The following DNAJC6 variants were observed in gnomAD, a reference collection of about 807,000 sequenced individuals.
DNAJC6 encodes the protein DnaJ heat shock protein family (Hsp40) member C6.
A neutral mutation model predicts 110.0 loss-of-function variants in DNAJC6; 34 were observed. The observed-to-expected ratio is 0.31, with a 90% CI of 0.24 to 0.41. The LOEUF (loss-of-function observed/expected upper bound fraction) is 0.41, where lower values mean the gene tolerates loss of function less well. Among genes scored for constraint, DNAJC6 ranks in the 10% least tolerant of loss-of-function variants. The pLI is 1.00. For synonymous variants in DNAJC6, 406 were observed against 437.2 expected (o/e 0.93, Z 0.89); for missense variants, 1,031 against 1,207.8 (o/e 0.85, Z 2.17).
rs777885623 is a variant in DNAJC6, at chr1:65,392,566, T to G, written c.1604T>G (p.Val535Gly). The G allele has an allele frequency of 6.2e-7, 1 of 1,613,808 alleles. No homozygotes were observed. Among genetic ancestry groups the G allele is most frequent in the African/African-American group, 1.3e-5 (1 of 74,938 alleles). ...GNANGDKPHGVKKPSKKQQEP... is the reference protein window; with the variant it reads ...GNANGDKPHGGKKPSKKQQEP... Reference sequence around the variant, plus strand: ...GCCAATGGTGACAAGCCTCATGGAGTCAAGAAGCCCAGCAAAAAGCAGCAG... The same window carrying G: ...GCCAATGGTGACAAGCCTCATGGAGGCAAGAAGCCCAGCAAAAAGCAGCAG... Residue 535 changes from valine to glycine, a missense_variant, in exon 12 of 19, where the codon GTC becomes GGC. Val to Gly is a moderately radical substitution (Grantham distance 109). Transcript: ENST00000371069.
upstream of DNAJC6, among the ~76,000 whole-genome samples, chr1:65,307,524 GTATT>G (rs1042350449): frequency 1.3e-5 from 2 of 152,040 alleles, no homozygotes; most frequent in African/African-American, 4.8e-5. Context: ...AAATGATCCT[GTATT>G]TATTTATTTA....
chr1:65,323,653 T>TGACATGATCC (rs1553138895), intron 1 of DNAJC6, among the ~76,000 whole-genome samples: 1 of 151,536 alleles, frequency 6.6e-6, no homozygotes, highest in Non-Finnish European at 1.5e-5. Flanking sequence ...TGGAGTGCAG[T>TGACATGATCC]GACATGATCA....
rs1202130358 is a variant in DNAJC6 at position 65,413,231 on chromosome 1, G to T, written c.*206G>T. On this transcript the variant is annotated 3_prime_UTR_variant, in exon 19 of 19. Coordinates refer to ENST00000371069, the MANE Select transcript of DNAJC6 (RefSeq NM_001256864.2). The stretch of plus-strand genomic sequence containing the variant: ...TCCCACCATAAAAGATCCAAAGCAT[G>T]AGAGGAACTTCTAGTCAGATGACCT... 6 of 509,032 alleles carry T rather than the reference G, an allele frequency of 1.2e-5. No individual in the cohort carries two copies. Among genetic ancestry groups the T allele is most frequent in the Non-Finnish European group, 2.1e-5 (6 of 286,350 alleles). 31.5% of individuals were successfully genotyped at this position (509,032 alleles called of 1,614,324 possible). A position where few individuals can be genotyped will look rare whatever the true frequency, so the allele number is the denominator to read the frequency against.
At chr1:65,297,916 G>T (rs1002980043) in intron 1 of DNAJC6, among the ~76,000 whole-genome samples, 2 of 151,944 alleles carry the variant, frequency 1.3e-5, no homozygotes, top group Non-Finnish European at 2.9e-5. Flanking sequence ...AACCAGTTCT[G>T]CAGTGCCTCC....
chr1:65,304,198 A>G (rs1645015965), intron 1 of DNAJC6, among the ~76,000 whole-genome samples: 1 of 143,564 alleles, frequency 7.0e-6, no homozygotes, highest in Non-Finnish European at 1.6e-5. Flanking sequence ...TATCTTAAAG[A>G]AAAAAAAAAA....
chr1:65,359,015 C>G (rs559065501), intron 1 of DNAJC6, among the ~76,000 whole-genome samples: 32 of 152,194 alleles, frequency 2.1e-4, no homozygotes, highest in Non-Finnish European at 3.8e-4. Context: ...TACCACTTCT[C>G]ACAGTGTTTT....
At chr1:65,279,210 G>A in intron 1 of DNAJC6, 1 of 969,988 alleles carries the variant, frequency 1.0e-6, no homozygotes, top group African/African-American at 1.8e-5. Context: ...TTGGGGGAGG[G>A]GCGGTGATGG....
chr1:65,403,158 T>C (rs185832229), intron 15 of DNAJC6, among the ~76,000 whole-genome samples: 1 of 152,366 alleles, frequency 6.6e-6, no homozygotes, highest in Non-Finnish European at 1.5e-5. Context: ...TAATAGTTAT[T>C]GGGGCCTTAC....
At chr1:65,363,515 A>G (rs1645617388) in intron 1 of DNAJC6, among the ~76,000 whole-genome samples, 1 of 152,190 alleles carries the variant, frequency 6.6e-6, no homozygotes, top group African/African-American at 2.4e-5. Flanking sequence ...CACAACATAC[A>G]CTGTGATACA....
chr1:65,344,253 C>T (rs1035284019), intron 1 of DNAJC6, among the ~76,000 whole-genome samples: 4 of 152,128 alleles, frequency 2.6e-5, no homozygotes, highest in Admixed American at 1.3e-4. Context: ...GGCAAAGAGT[C>T]AAAGATAGGA....
chr1:65,321,004 T>A (rs1258020776), intron 1 of DNAJC6, among the ~76,000 whole-genome samples: 1 of 152,276 alleles, frequency 6.6e-6, no homozygotes, highest in Non-Finnish European at 1.5e-5. Context: ...GTACCTGATA[T>A]AACTGGTGCT....
chr1:65,411,563 T>G (rs1010350646), intron 18 of DNAJC6, 137 bp downstream of exon 18: 3 of 770,628 alleles, frequency 3.9e-6, no homozygotes. Context: ...AAATCAGATA[T>G]TTAAACAAAT....
At chr1:65,405,591 A>G (rs1240586538) in intron 15 of DNAJC6, among the ~76,000 whole-genome samples, 1 of 152,160 alleles carries the variant, frequency 6.6e-6, no homozygotes, top group Non-Finnish European at 1.5e-5. Flanking sequence ...CGGCTCAGCT[A>G]CTTGCTGTGT....
In DNAJC6 at chr1:65,366,159, C is replaced by T. The variant is rs1479649974; in HGVS notation, c.506C>T (p.Ser169Leu). 1.2e-5 allele frequency: 20 copies of T among 1,613,618 alleles called. No homozygotes were observed. Among genetic ancestry groups the T allele is most frequent in the Non-Finnish European group, 1.7e-5 (20 of 1,179,762 alleles). The change falls in exon 4 of 19, where the codon TCA (serine) becomes TTA (leucine). Residue 169 changes from serine to leucine, a missense_variant. By Grantham distance (145) the Ser-to-Leu change is moderately radical. Transcript: ENST00000371069. Reference sequence around the variant, plus strand: ...GACCACTACACAGTATACAATCTGTCACCTAAGTCTTATCGAACTGCCAAG... The same window carrying T: ...GACCACTACACAGTATACAATCTGTTACCTAAGTCTTATCGAACTGCCAAG... ...HLDHYTVYNL[S>L]PKSYRTAKFH...
intron 1 of DNAJC6, among the ~76,000 whole-genome samples, chr1:65,353,435 G>T (rs1645510954): frequency 6.6e-6 from 1 of 152,154 alleles, no homozygotes; most frequent in African/African-American, 2.4e-5. Context: ...CAATATCCAT[G>T]TAAAGTTTTA....
intron 1 of DNAJC6, among the ~76,000 whole-genome samples, chr1:65,295,269 C>T (rs1644918189): frequency 1.3e-5 from 2 of 152,162 alleles, no homozygotes; most frequent in Non-Finnish European, 2.9e-5. Flanking sequence ...ATATACCTAT[C>T]TTCCTCTCTC....
At chr1:65,373,069 T>C (rs1246866442) in intron 4 of DNAJC6, among the ~76,000 whole-genome samples, 1 of 152,192 alleles carries the variant, frequency 6.6e-6, no homozygotes, top group East Asian at 1.9e-4. Context: ...AATATTTATC[T>C]TTCTATGCTT....
rs143056834 is a variant in DNAJC6, at chr1:65,365,814, G to A, written c.345-71G>A. On this transcript the variant is annotated intron_variant, in intron 2 of 18. Transcript: ENST00000371069. ...GCGGTGTCCCAGTTCATATGCGCAA[G>A]TGATTGAGAGAGAGAAATCTTGGCA... The A allele has an allele frequency of 3.1e-4, 475 of 1,545,118 alleles. 2 individuals are homozygous for A. The East Asian group carries it at 9.0e-3, about 29-fold the overall frequency.
intron 1 of DNAJC6, among the ~76,000 whole-genome samples, chr1:65,337,843 T>C (rs950878318): frequency 1.3e-5 from 2 of 152,156 alleles, no homozygotes; most frequent in African/African-American, 4.8e-5. Flanking sequence ...GGGCCCTGGA[T>C]CCAATCTCTC....
Sources: gnomAD v4.1 joint callset for allele counts (sites outside exome capture counted in the v4.1 genomes callset) on GRCh38, gnomAD v4.1.1 for gene constraint, MANE v1.5 for transcripts, NCBI Gene and HGNC (gene_info 2026-07-23, HGNC 2026-07-21) for gene names.